The following SLC14A2 variants were observed in gnomAD, a reference collection of about 807,000 sequenced individuals.
SLC14A2 encodes the protein solute carrier family 14 member 2.
Under a neutral mutation model 104.6 loss-of-function variants are expected in SLC14A2, and 91 were observed. That is an observed-to-expected ratio of 0.87 (90% confidence interval 0.73 to 1.04). SLC14A2 has a LOEUF of 1.04. SLC14A2 is among the 50% of genes least tolerant of loss of function. The pLI is 0.00. For synonymous variants in SLC14A2, 476 were observed against 466.4 expected, an observed-to-expected ratio of 1.02 and a Z score of -0.27; for missense variants, 1,189 against 1,156.0, an observed-to-expected ratio of 1.03 and a Z score of -0.41.
At chr18:45,262,950 C>T (rs190342335) in intron 1 of SLC14A2, among the ~76,000 whole-genome samples, 24 of 152,330 alleles carry the variant, frequency 1.6e-4, no homozygotes, top group African/African-American at 5.1e-4. Flanking sequence ...CTTCCTCCAG[C>T]TTTGACTGCT....
intron 1 of SLC14A2, among the ~76,000 whole-genome samples, chr18:45,314,130 A>G (rs2085105526): frequency 6.6e-6 from 1 of 152,252 alleles, no homozygotes; most frequent in African/African-American, 2.4e-5. Flanking sequence ...TGTGGTCTTC[A>G]TGGCCACAGA....
Position 45,663,870 on chromosome 18 carries a change from T to C in SLC14A2, c.1437T>C (p.Phe479=). The change falls in exon 11 of 20, where the codon TTT becomes TTC. Residue 479 remains phenylalanine, a synonymous_variant. Coordinates refer to ENST00000255226, the MANE Select transcript of SLC14A2 (RefSeq NM_007163.4). ...TGCTCTCCAAGCACAGGAGTGTATT[T>C]CACATCGAGTGGTCATCCATTCGGA... ...EAVLSKHRSV[F]HIEWSSIRRR... is the part of the protein sequence containing the mutation. 6.2e-7 allele frequency: 1 copy of C among 1,613,494 alleles called. No homozygotes were observed. Among genetic ancestry groups the C allele is most frequent in the Middle Eastern group, 1.7e-4 (1 of 5,776 alleles).
chr18:45,490,744 A>G (rs530719469), intron 2 of SLC14A2, among the ~76,000 whole-genome samples: 1 of 152,352 alleles, frequency 6.6e-6, no homozygotes, highest in African/African-American at 2.4e-5. Flanking sequence ...ATGTGTGTAT[A>G]TGGGATAGGG....
intron 1 of SLC14A2, among the ~76,000 whole-genome samples, chr18:45,442,800 T>A (rs938047971): frequency 3.3e-5 from 5 of 152,240 alleles, no homozygotes; most frequent in African/African-American, 1.2e-4. Flanking sequence ...TGTTATTGTT[T>A]GCTAAGCCTT....
intron 2 of SLC14A2, among the ~76,000 whole-genome samples, chr18:45,510,721 G>C (rs1452144501): frequency 6.6e-6 from 1 of 151,458 alleles, no homozygotes; most frequent in African/African-American, 2.4e-5. Context: ...ACAGCCAGCT[G>C]ATCCCGTCAT....
chr18:45,681,233 T>C lies in SLC14A2; in HGVS notation c.2563-1086T>C, dbSNP rs1398875551. On this transcript the variant is annotated intron_variant, in intron 19 of 19. Coordinates refer to ENST00000255226, the MANE Select transcript of SLC14A2 (RefSeq NM_007163.4). ...CGCCCGCCACTACGCCCGGCTAATT[T>C]TTTGTATTTTTAGTAGAGACGGGGT... Among the ~76,000 whole-genome samples, 2 of 13,406 alleles carry C rather than the reference T, an allele frequency of 1.5e-4. 1 individual carries two copies. Among genetic ancestry groups the C allele is most frequent in the African/African-American group, 1.6e-4 (2 of 12,294 alleles). 8.8% of individuals were successfully genotyped at this position (13,406 alleles called of 152,430 possible). A position where few individuals can be genotyped will look rare whatever the true frequency, so the allele number is the denominator to read the frequency against.
At chr18:45,208,548 C>T (rs538957116), upstream of SLC14A2, among the ~76,000 whole-genome samples, 62 of 152,234 alleles carry the variant, frequency 4.1e-4, no homozygotes, top group Admixed American at 7.8e-4. Flanking sequence ...GAAGGAGAGA[C>T]GTTAAAGGCA....
chr18:45,235,987 G>GTATATATACATATATGTGTGTATATA (rs2084231594), intron 1 of SLC14A2, among the ~76,000 whole-genome samples: 1 of 47,720 alleles, frequency 2.1e-5, no homozygotes, highest in Non-Finnish European at 3.6e-5. Flanking sequence ...GTGTATATAT[G>GTATATATACATATATGTGTGTATATA]TGTATATATA....
At chr18:45,540,963 G>T (rs1037985222) in intron 2 of SLC14A2, among the ~76,000 whole-genome samples, 1 of 152,132 alleles carries the variant, frequency 6.6e-6, no homozygotes, top group African/African-American at 2.4e-5. Context: ...GTGAAAGAGG[G>T]TGATGAGAGG....
chr18:45,306,460 A>T (rs1285588881), intron 1 of SLC14A2, among the ~76,000 whole-genome samples: 1 of 152,244 alleles, frequency 6.6e-6, no homozygotes, highest in Non-Finnish European at 1.5e-5. Context: ...CTGCCCTCGT[A>T]GCATGAAAGC....
Position 45,667,881 on chromosome 18 carries a change from C to A in SLC14A2, c.1766C>A (p.Ser589Tyr). ...TTTGACTGGGTCCTCCGAGGCACAT[C>A]TCAAGTGATGTTTGTGAACAACCCC... Reference protein sequence around the residue: ...QFFDWVLRGTSQVMFVNNPLS... With the variant: ...QFFDWVLRGTYQVMFVNNPLS... The change falls in exon 14 of 20, where the codon TCT (serine) becomes TAT (tyrosine). Residue 589 changes from serine to tyrosine, a missense_variant. Transcript: ENST00000255226. 1.9e-6 allele frequency: 3 copies of A among 1,614,146 alleles called. No individual in the cohort carries two copies. Among genetic ancestry groups the A allele is most frequent in the Non-Finnish European group, 2.5e-6 (3 of 1,180,000 alleles).
At position 45,288,801 on chromosome 18, in the gene SLC14A2, G is replaced by A. The variant is rs141136213; in HGVS notation, c.-125+75610G>A. ...ATTGATCATGCCATGCCCAGTCCCC[G>A]CCTGCCTCCCTGCTCTCACTTCCAG... On this transcript the variant is annotated intron_variant, in intron 1 of 20. Coordinates refer to the SLC14A2 transcript ENST00000586448. 2.9e-3 allele frequency among the ~76,000 whole-genome samples: 437 copies of A among 152,216 alleles called. 2 individuals are homozygous for A. Among genetic ancestry groups the A allele is most frequent in the African/African-American group, 9.4e-3 (389 of 41,546 alleles).
chr18:45,308,271 C>T (rs2085044194), intron 1 of SLC14A2, among the ~76,000 whole-genome samples: 1 of 152,144 alleles, frequency 6.6e-6, no homozygotes, highest in Admixed American at 6.5e-5. Context: ...TGTGTATGTG[C>T]ATATTTTTCC....
At chr18:45,588,801 T>C in intron 2 of SLC14A2, among the ~76,000 whole-genome samples, 1 of 152,192 alleles carries the variant, frequency 6.6e-6, no homozygotes, top group East Asian at 1.9e-4. Context: ...ATTCTGGTGA[T>C]TGAAGACATT....
rs1275923652 is a variant in SLC14A2, at chr18:45,494,015, C to T, written c.-35+10693C>T. ...GTCTGCAAAGAGGAAAGGCAAGCAT[C>T]TTGGACAATGTTCTGTGCATAGTCA... On this transcript the variant is annotated intron_variant, in intron 2 of 20. Transcript: ENST00000586448. 2.0e-5 allele frequency among the ~76,000 whole-genome samples: 3 copies of T among 152,316 alleles called. No homozygotes were observed. The East Asian group carries it at 5.8e-4, about 29-fold the overall frequency.
the SLC14A2 span, among the ~76,000 whole-genome samples, chr18:45,185,907 G>A: frequency 6.6e-6 from 1 of 151,968 alleles, no homozygotes; most frequent in African/African-American, 2.4e-5. Flanking sequence ...TATAAAACAG[G>A]CTTAAGTTTG....
At chr18:45,476,191 T>C (rs995036648) in intron 1 of SLC14A2, among the ~76,000 whole-genome samples, 3 of 152,222 alleles carry the variant, frequency 2.0e-5, no homozygotes, top group African/African-American at 7.2e-5. Flanking sequence ...ACAAAATCTC[T>C]CAGCAATTGC....
chr18:45,667,820 G>A lies in SLC14A2; in HGVS notation c.1718-13G>A, dbSNP rs1202025640. 8 of 1,612,408 alleles carry A rather than the reference G, an allele frequency of 5.0e-6. No homozygotes were observed. The highest frequency in any genetic ancestry group is 1.7e-5 in the Admixed American group (1 of 59,996). ...TGAGCACTTGCCTACTTCCTGCCCC[G>A]GTTCCATTTCAGACAAGTCCCCAGT... On this transcript the variant is annotated splice_polypyrimidine_tract_variant and intron_variant, in intron 13 of 19. Coordinates refer to ENST00000255226, the MANE Select transcript of SLC14A2 (RefSeq NM_007163.4).
intron 2 of SLC14A2, among the ~76,000 whole-genome samples, chr18:45,586,153 A>C (rs967771568): frequency 4.3e-4 from 66 of 152,204 alleles, no homozygotes; most frequent in African/African-American, 1.4e-3. Context: ...TGCTTTCAGT[A>C]TTTTAAAGTG....
Sources: allele counts gnomAD v4.1 joint callset (sites outside exome capture counted in the v4.1 genomes callset), GRCh38; gene constraint gnomAD v4.1.1; transcripts MANE v1.5; gene names NCBI Gene and HGNC (gene_info 2026-07-23, HGNC 2026-07-21).